FAF1: variants seen among roughly 807,000 people sequenced by gnomAD.
The protein encoded by FAF1 is Fas associated factor 1.
FAF1 carries 25 observed loss-of-function variants against 92.5 expected under a neutral mutation model. The observed-to-expected ratio is 0.27, with a 90% confidence interval of 0.20 to 0.38. The LOEUF (loss-of-function observed/expected upper bound fraction) is 0.38. Among genes scored for constraint, FAF1 ranks in the 10% least tolerant of loss-of-function variants. FAF1 has a pLI of 1.00. For synonymous variants in FAF1, 234 were observed against 273.2 expected (o/e 0.86, Z 1.42); for missense variants, 636 against 793.3 (o/e 0.80, Z 2.38).
intron 2 of FAF1, among the ~76,000 whole-genome samples, chr1:50,852,301 AACAGCAAAGACG>A (rs776817601): frequency 6.6e-6 from 1 of 152,340 alleles, no homozygotes; most frequent in Middle Eastern, 3.4e-3. Context: ...CAGAAGTCTT[AACAGCAAAGACG>A]TTCAAATATC....
At chr1:50,610,925 A>C (rs1012438561) in intron 8 of FAF1, among the ~76,000 whole-genome samples, 2 of 152,254 alleles carry the variant, frequency 1.3e-5, no homozygotes, top group African/African-American at 4.8e-5. Flanking sequence ...TAAACCTGTA[A>C]AAGCAGGTTG....
At chr1:50,771,691 A>C (rs1660780479) in intron 4 of FAF1, among the ~76,000 whole-genome samples, 1 of 152,176 alleles carries the variant, frequency 6.6e-6, no homozygotes, top group Non-Finnish European at 1.5e-5. Flanking sequence ...ACCTGAGGTC[A>C]GGAGTTCAAG....
At chr1:50,639,883 G>A (rs184063452) in intron 8 of FAF1, among the ~76,000 whole-genome samples, 11 of 137,134 alleles carry the variant, frequency 8.0e-5, no homozygotes, top group Admixed American at 1.6e-4. Context: ...GCAGTGAGCC[G>A]AAATCATGCC....
intron 7 of FAF1, among the ~76,000 whole-genome samples, chr1:50,683,524 C>T (rs1433443478): frequency 1.4e-5 from 2 of 145,988 alleles, no homozygotes; most frequent in African/African-American, 5.1e-5. Flanking sequence ...GAGACCCTGT[C>T]TCATTAAAAA....
intron 18 of FAF1, among the ~76,000 whole-genome samples, chr1:50,464,091 T>A (rs1200269401): frequency 1.3e-5 from 2 of 152,204 alleles, no homozygotes; most frequent in Non-Finnish European, 2.9e-5. Flanking sequence ...GGTCTACACA[T>A]CTTAAAGCCT....
intron 6 of FAF1, among the ~76,000 whole-genome samples, chr1:50,734,605 G>A (rs1047994381): frequency 6.6e-6 from 1 of 151,878 alleles, no homozygotes; most frequent in African/African-American, 2.4e-5. Context: ...GTATTGGCGG[G>A]CGCCTGTATT....
At chr1:50,603,498 T>C (rs1442694505) in intron 8 of FAF1, among the ~76,000 whole-genome samples, 4 of 152,214 alleles carry the variant, frequency 2.6e-5, no homozygotes, top group Non-Finnish European at 4.4e-5. Context: ...ATGCTTACTG[T>C]TCAGCTAAAT....
chr1:50,710,315 A>C (rs1657865968), intron 6 of FAF1, among the ~76,000 whole-genome samples: 1 of 152,178 alleles, frequency 6.6e-6, no homozygotes, highest in African/African-American at 2.4e-5. Context: ...AATTTTGTCT[A>C]GTTCTACAAT....
intron 8 of FAF1, among the ~76,000 whole-genome samples, chr1:50,628,120 T>A (rs1439813062): frequency 6.6e-6 from 1 of 152,100 alleles, no homozygotes; most frequent in Non-Finnish European, 1.5e-5. Context: ...TCTGTGTGTG[T>A]GTATGCGTGT....
chr1:50,839,254 C>T (rs1644237528), intron 2 of FAF1, among the ~76,000 whole-genome samples: 1 of 152,056 alleles, frequency 6.6e-6, no homozygotes, highest in Admixed American at 6.6e-5. Flanking sequence ...AAGCTACTGC[C>T]TACTTATGAG....
intron 1 of FAF1, among the ~76,000 whole-genome samples, chr1:50,929,751 T>G (rs1290567254): frequency 6.6e-6 from 1 of 152,232 alleles, no homozygotes; most frequent in East Asian, 1.9e-4. Context: ...GCCCCCACGA[T>G]TCACAATTAT....
At chr1:50,756,437 C>T (rs1457682572) in intron 4 of FAF1, among the ~76,000 whole-genome samples, 1 of 152,180 alleles carries the variant, frequency 6.6e-6, no homozygotes, top group Non-Finnish European at 1.5e-5. Context: ...GCATTTTGAG[C>T]AAAGCCATTC....
chr1:50,845,849 G>A (rs907376590), intron 2 of FAF1, among the ~76,000 whole-genome samples: 10 of 152,164 alleles, frequency 6.6e-5, no homozygotes, highest in South Asian at 4.1e-4. Context: ...GTGGCCAGGC[G>A]TGGTGGCTCA....
chr1:50,669,643 A>G (rs2124335223), intron 7 of FAF1, among the ~76,000 whole-genome samples: 2 of 152,376 alleles, frequency 1.3e-5, no homozygotes, highest in East Asian at 3.9e-4. Flanking sequence ...TCAAATTACA[A>G]ACAAAAACTG....
chr1:50,728,918 G>C (rs922931817), intron 6 of FAF1, among the ~76,000 whole-genome samples: 1 of 150,292 alleles, frequency 6.7e-6, no homozygotes, highest in Non-Finnish European at 1.5e-5. Flanking sequence ...TGAACTTGGG[G>C]GAAGATGCTG....
chr1:50,876,469 G>A (rs1644572381), intron 1 of FAF1, among the ~76,000 whole-genome samples: 1 of 152,168 alleles, frequency 6.6e-6, no homozygotes, highest in African/African-American at 2.4e-5. Context: ...GTGTTCAAAT[G>A]TAAACACCAC....
At chr1:50,667,897 T>G (rs1473955488) in intron 7 of FAF1, among the ~76,000 whole-genome samples, 1 of 152,204 alleles carries the variant, frequency 6.6e-6, no homozygotes, top group African/African-American at 2.4e-5. Context: ...CTATATCCCT[T>G]CCCACTCTGG....
At chr1:50,710,630 T>C (rs1385249969) in intron 6 of FAF1, among the ~76,000 whole-genome samples, 1 of 151,226 alleles carries the variant, frequency 6.6e-6, no homozygotes, top group African/African-American at 2.4e-5. Context: ...CGAGACAGAG[T>C]CTCGCTCTGT....
At chr1:50,912,350 T>A (rs1317672434) in intron 1 of FAF1, among the ~76,000 whole-genome samples, 1 of 152,196 alleles carries the variant, frequency 6.6e-6, no homozygotes, top group African/African-American at 2.4e-5. Context: ...AGAAGTAGGA[T>A]TCTAGAATCT....
Sources: gnomAD v4.1 joint callset for allele counts (sites outside exome capture counted in the v4.1 genomes callset) on GRCh38, gnomAD v4.1.1 for gene constraint, MANE v1.5 for transcripts, NCBI Gene and HGNC (gene_info 2026-07-23, HGNC 2026-07-21) for gene names.